Variants in GALK1 observed in about 807,000 individuals in gnomAD.
The protein encoded by GALK1 is galactokinase.
GALK1 carries 30 observed loss-of-function variants against 38.6 expected under a neutral mutation model. The observed-to-expected ratio is 0.78, with a 90% CI of 0.58 to 1.05. GALK1 has a LOEUF of 1.05. GALK1 is among the 50% of genes least tolerant of loss of function. GALK1 has a pLI of 0.00. For missense variants in GALK1, 512 were observed against 540.5 expected (o/e 0.95, Z 0.52); for synonymous variants, 240 against 233.6 (o/e 1.03, Z -0.25).
At chr17:75,764,815 T>C (rs2143607512) in intron 1 of GALK1, 157 bp downstream of exon 1, 2 of 783,410 alleles carry the variant, frequency 2.6e-6, no homozygotes, top group Non-Finnish European at 4.1e-6. Context: ...GGGAACAGCC[T>C]GTCCCGGGGA....
chr17:75,763,820 CAAAT>C (rs1280048980), intron 2 of GALK1, 73 bp downstream of exon 2: 4 of 1,362,986 alleles, frequency 2.9e-6, no homozygotes, highest in Non-Finnish European at 3.1e-6. Flanking sequence ...GTGTATCAGA[CAAAT>C]GAATGGGCTC....
chr17:75,763,907 C>G lies in GALK1; in HGVS notation c.345G>C (p.Gln115His). The change falls in exon 2 of 8, where the codon CAG becomes CAC. Residue 115 changes from glutamine to histidine, a missense_variant. Physicochemically the swap from Gln to His is conservative, Grantham distance 24. Transcript: ENST00000588479. Reference sequence around the variant, plus strand: ...GCCTGGGCCCCATACCTGGGTAGTACTGAATCACTCCCTTGACATAGTTGG... The same window carrying G: ...GCCTGGGCCCCATACCTGGGTAGTAGTGAATCACTCCCTTGACATAGTTGG... ...RWANYVKGVIQYYPAAPLPGF... is the reference protein window; with the variant it reads ...RWANYVKGVIHYYPAAPLPGF... The G allele has an allele frequency of 1.9e-6, 3 of 1,613,926 alleles. No individual in the cohort carries two copies. Among genetic ancestry groups the G allele is most frequent in the Non-Finnish European group, 2.5e-6 (3 of 1,179,998 alleles).
chr17:75,754,701 C>T (rs756626295), downstream of GALK1: 236 of 1,614,052 alleles, frequency 1.5e-4, 3 homozygotes, highest in South Asian at 2.5e-3. Flanking sequence ...CCACCGCGTG[C>T]TAAGCACATC....
rs1477434970 is a variant in GALK1, at chr17:75,758,202, C to T, written c.1107+8G>A. The T allele has an allele frequency of 1.9e-6, 3 of 1,607,770 alleles. No individual in the cohort carries two copies. Among genetic ancestry groups the T allele is most frequent in the Admixed American group, 1.7e-5 (1 of 59,190 alleles). On this transcript the variant is annotated splice_region_variant and intron_variant, in intron 7 of 7. Coordinates refer to ENST00000588479, the MANE Select transcript of GALK1 (RefSeq NM_000154.2). Reference sequence around the variant, plus strand: ...CTCCTGCCCGCCCAGGCCCTGGTGCCCGCCCACCTGGATGTGCCGCATGGC... The same window carrying T: ...CTCCTGCCCGCCCAGGCCCTGGTGCTCGCCCACCTGGATGTGCCGCATGGC...
downstream of GALK1, chr17:75,756,628 T>A: frequency 6.2e-7 from 1 of 1,612,340 alleles, no homozygotes. Flanking sequence ...GTGAGTTGCC[T>A]CCCCCAGCCC....
intron 4 of GALK1, 60 bp downstream of exon 4, chr17:75,762,954 C>T: frequency 6.9e-7 from 1 of 1,459,664 alleles, no homozygotes; most frequent in South Asian, 1.2e-5. Flanking sequence ...GCAGTGGGCA[C>T]ACTCCCACCC....
Position 75,763,020 on chromosome 17 carries a change from T to C in GALK1, c.605A>G (p.Asp202Gly). 6.2e-7 allele frequency: 1 copy of C among 1,612,884 alleles called. No individual in the cohort carries two copies. The highest frequency in any genetic ancestry group is 8.5e-7 in the Non-Finnish European group (1 of 1,179,982). The change falls in exon 4 of 8, where the codon GAC becomes GGC. Residue 202 changes from aspartate (D) to glycine (G), a missense_variant. Physicochemically the swap from Asp to Gly is moderately conservative, Grantham distance 94. Transcript: ENST00000588479. ...CGAGGGGAGCGAGCCCAACCTGCAGTCAATGAGCAGCGCGTGGCCTTTCTG... is the reference window on the plus strand; with the variant it reads ...CGAGGGGAGCGAGCCCAACCTGCAGCCAATGAGCAGCGCGTGGCCTTTCTG... ...MGQKGHALLI[D>G]CRSLETSLVP...
At chr17:75,764,917 C>A in intron 1 of GALK1, 55 bp downstream of exon 1, 1 of 1,573,748 alleles carries the variant, frequency 6.4e-7, no homozygotes, top group East Asian at 2.3e-5. Flanking sequence ...GCCCGCCCTC[C>A]TCGGCGGCCG....
downstream of GALK1, chr17:75,754,828 AGCCAACCCT>A (rs750411606): frequency 3.7e-6 from 6 of 1,613,876 alleles, no homozygotes; most frequent in Non-Finnish European, 4.2e-6. Context: ...GAGTGACCTC[AGCCAACCCT>A]GCCTCTCCCA....
rs1398068301 is a variant in GALK1, at chr17:75,752,472, G to A, written c.*23-735C>T. 3 of 1,613,470 alleles carry A rather than the reference G, an allele frequency of 1.9e-6. No individual in the cohort carries two copies. Among genetic ancestry groups the A allele is most frequent in the East Asian group, 2.2e-5 (1 of 44,872 alleles). ...CCCCATCATCCCTGACATCCCTATC[G>A]TGGACGCCCAGAGCGGGGAGGACTA... On this transcript the variant is annotated intron_variant, in intron 8 of 8. Coordinates refer to the GALK1 transcript ENST00000225614.
rs767055363 is a variant in GALK1, at chr17:75,758,063, C to T, written c.1172G>A (p.Cys391Tyr). Residue 391 changes from cysteine to tyrosine, a missense_variant, in exon 8 of 8, where the codon TGC becomes TAC. By Grantham distance (194) the Cys-to-Tyr change is radical (BLOSUM62 -2). Transcript: ENST00000588479. ...SQAADGAKVL[C>Y]L ...TGCTGTCCTGGGGGTGCCTCACAAG[C>T]ACAGCACCTTGGCTCCATCGGCTGC... 6.2e-6 allele frequency: 10 copies of T among 1,612,818 alleles called. No homozygotes were observed. The highest frequency in any genetic ancestry group is 1.7e-4 in the Middle Eastern group (1 of 6,058).
chr17:75,752,879 C>T (rs892746795), intron 8 of GALK1, among the ~76,000 whole-genome samples: 1 of 152,146 alleles, frequency 6.6e-6, no homozygotes, highest in Admixed American at 6.5e-5. Flanking sequence ...TCAGGCCACC[C>T]CCCAGGGGCA....
At chr17:75,752,097 C>T (rs2061379247) in intron 8 of GALK1, 8 of 1,486,266 alleles carry the variant, frequency 5.4e-6, no homozygotes, top group Admixed American at 1.7e-5. Context: ...GATGCACGGC[C>T]GTCCTGCTGT....
At chr17:75,759,424 T>G (rs1449665856) in intron 5 of GALK1, among the ~76,000 whole-genome samples, 1 of 78,552 alleles carries the variant, frequency 1.3e-5, no homozygotes, top group African/African-American at 5.1e-5. Flanking sequence ...TGAGGCTCCC[T>G]CTCAAAAAAA....
At chr17:75,754,507 GC>G, downstream of GALK1, 1 of 1,603,902 alleles carries the variant, frequency 6.2e-7, no homozygotes. Flanking sequence ...AATGTGCAGG[GC>G]CCAGCCTGCC....
At position 75,758,526 on chromosome 17, in the gene GALK1, G is replaced by A; in HGVS notation, c.867C>T (p.Ala289=). ...CACGTCTCAGGGCGGCCGCTGCCTG[G>A]GCCGTGCGCCGAATCTCCCCCACCA... ...RHVVGEIRRT[A]QAAAALRRGD... is the part of the protein sequence containing the mutation. Residue 289 remains alanine, a synonymous_variant, in exon 6 of 8, where the codon GCC becomes GCT. Coordinates refer to ENST00000588479, the MANE Select transcript of GALK1 (RefSeq NM_000154.2). 6.3e-7 allele frequency: 1 copy of A among 1,590,374 alleles called. No homozygotes were observed. Among genetic ancestry groups the A allele is most frequent in the Non-Finnish European group, 8.5e-7 (1 of 1,172,822 alleles).
downstream of GALK1, chr17:75,754,717 C>G (rs145161839): frequency 6.2e-7 from 1 of 1,614,072 alleles, no homozygotes; most frequent in African/African-American, 1.3e-5. Flanking sequence ...ACATCCTCCA[C>G]CCTCACACGG....
chr17:75,754,941 TGCAC>T, downstream of GALK1: 2 of 1,505,192 alleles, frequency 1.3e-6, no homozygotes, highest in East Asian at 2.3e-5. Flanking sequence ...CATGCACACA[TGCAC>T]GCACACACGT....
rs376959270 is a variant in GALK1, at chr17:75,764,070, G to A, written c.182C>T (p.Thr61Met). 16 of 1,585,232 alleles carry A rather than the reference G, an allele frequency of 1.0e-5. No individual in the cohort carries two copies. The highest frequency in any genetic ancestry group is 8.0e-5 in the African/African-American group (6 of 74,620). ...CTTGCGGGGGCTGCCCACCAGCACC[G>A]TCATGAGCTCCAGAGCCTGGCAGGA... ...LVLPMALELMTVLVGSPRKDG... is the reference protein window; with the variant it reads ...LVLPMALELMMVLVGSPRKDG... The change falls in exon 2 of 8, where the codon ACG (threonine) becomes ATG (methionine). Residue 61 changes from threonine (T) to methionine (M), a missense_variant. Coordinates refer to ENST00000588479, the MANE Select transcript of GALK1 (RefSeq NM_000154.2).
Sources: allele counts gnomAD v4.1 joint callset (sites outside exome capture counted in the v4.1 genomes callset), GRCh38; gene constraint gnomAD v4.1.1; transcripts MANE v1.5; gene names NCBI Gene and HGNC (gene_info 2026-07-23, HGNC 2026-07-21).